Variants in ARMC9 observed in about 807,000 individuals in gnomAD.
The protein encoded by ARMC9 is lisH domain-containing protein ARMC9.
Under a neutral mutation model 107.0 loss-of-function variants are expected in ARMC9, and 94 were observed. That is an observed-to-expected ratio of 0.88 (90% CI 0.74 to 1.04). The LOEUF (loss-of-function observed/expected upper bound fraction) is 1.04, where lower values mean the gene tolerates loss of function less well. Among genes scored for constraint, ARMC9 ranks in the 50% least tolerant of loss-of-function variants. The pLI is 0.00. For synonymous variants in ARMC9, 380 were observed against 396.9 expected (o/e 0.96, Z 0.51); for missense variants, 942 against 1,030.1 (o/e 0.91, Z 1.17).
intron 1 of ARMC9, among the ~76,000 whole-genome samples, chr2:231,202,067 T>G (rs1317295930): frequency 6.6e-6 from 1 of 151,358 alleles, no homozygotes; most frequent in Admixed American, 6.6e-5. Context: ...TGGCACGATC[T>G]CGGCTCATTG....
intron 3 of ARMC9, among the ~76,000 whole-genome samples, chr2:231,212,137 G>A (rs897415701): frequency 3.3e-5 from 5 of 152,304 alleles, no homozygotes; most frequent in Admixed American, 6.5e-5. Flanking sequence ...GTAGTGTTAC[G>A]TATGTTTACA....
At chr2:231,371,073 C>CA in intron 24 of ARMC9, 1 of 460,642 alleles carries the variant, frequency 2.2e-6, no homozygotes, top group South Asian at 1.5e-5. Context: ...CCCAGCCAGT[C>CA]GCAGCCCAGG....
intron 17 of ARMC9, among the ~76,000 whole-genome samples, chr2:231,287,371 G>A (rs1368067004): frequency 6.6e-6 from 1 of 152,210 alleles, no homozygotes; most frequent in East Asian, 1.9e-4. Context: ...CACCCTAGCT[G>A]CAAGGGAGGC....
At chr2:231,335,779 A>G (rs555264966) in intron 20 of ARMC9, among the ~76,000 whole-genome samples, 15 of 152,172 alleles carry the variant, frequency 9.9e-5, no homozygotes, top group Non-Finnish European at 2.2e-4. Flanking sequence ...CGTGCTGAGT[A>G]ATCAACAATG....
intron 22 of ARMC9, among the ~76,000 whole-genome samples, chr2:231,356,423 A>G (rs1436446822): frequency 6.6e-6 from 1 of 152,240 alleles, no homozygotes; most frequent in Non-Finnish European, 1.5e-5. Context: ...TATTTTTTAG[A>G]TGCCAGAAAA....
chr2:231,343,290 G>A lies in ARMC9; in HGVS notation c.1879-1685G>A, dbSNP rs1263871869. Among the ~76,000 whole-genome samples the A allele has an allele frequency of 4.6e-5, 7 of 151,322 alleles. No homozygotes were observed. The East Asian group carries it at 5.8e-4, about 13-fold the overall frequency. On this transcript the variant is annotated intron_variant, in intron 20 of 24. Transcript: ENST00000611582. ...GGTCCAGTGAGGCTCACTGAATCCCGTAGGCACTGGCCCTTTTTTTCTTCC... is the reference window on the plus strand; with the variant it reads ...GGTCCAGTGAGGCTCACTGAATCCCATAGGCACTGGCCCTTTTTTTCTTCC...
At chr2:231,273,613 C>G (rs1025678678) in intron 14 of ARMC9, among the ~76,000 whole-genome samples, 2 of 152,142 alleles carry the variant, frequency 1.3e-5, no homozygotes, top group South Asian at 2.1e-4. Context: ...CAGGATTTTA[C>G]CATGTTGGCC....
intron 12 of ARMC9, among the ~76,000 whole-genome samples, chr2:231,267,088 A>G (rs1259853303): frequency 6.6e-6 from 1 of 152,222 alleles, no homozygotes; most frequent in Non-Finnish European, 1.5e-5. Context: ...GTTTGGGATG[A>G]CAGTTAGACA....
chr2:231,208,103 A>C, intron 2 of ARMC9, 24 bp from the exon 3 acceptor site: 1 of 1,035,240 alleles, frequency 9.7e-7, no homozygotes, highest in Non-Finnish European at 1.4e-6. Flanking sequence ...TTTGCTGTTG[A>C]ATTGAATTAT....
intron 6 of ARMC9, among the ~76,000 whole-genome samples, chr2:231,225,065 C>CA (rs1262353202): frequency 1.3e-5 from 2 of 152,054 alleles, no homozygotes; most frequent in East Asian, 1.9e-4. Flanking sequence ...GTTGTATTTG[C>CA]AAAAAATAAC....
chr2:231,277,783 G>C (rs542759559), intron 15 of ARMC9, among the ~76,000 whole-genome samples: 52 of 152,110 alleles, frequency 3.4e-4, no homozygotes, highest in South Asian at 1.9e-3. Context: ...GGCTGATCTT[G>C]AACTCCTAAC....
At chr2:231,213,812 ATGG>A (rs1474474506) in intron 3 of ARMC9, among the ~76,000 whole-genome samples, 1 of 152,198 alleles carries the variant, frequency 6.6e-6, no homozygotes. Context: ...ATGGCCAATA[ATGG>A]TGGTAAATAA....
At chr2:231,366,943 C>G (rs1284653470) in intron 23 of ARMC9, among the ~76,000 whole-genome samples, 1 of 150,330 alleles carries the variant, frequency 6.7e-6, no homozygotes, top group African/African-American at 2.4e-5. Flanking sequence ...CTCTGCCTCC[C>G]GGGTTCACGC....
intron 19 of ARMC9, among the ~76,000 whole-genome samples, chr2:231,302,980 G>C (rs1032321957): frequency 2.6e-5 from 4 of 152,164 alleles, no homozygotes; most frequent in Non-Finnish European, 5.9e-5. Context: ...CTCCAGCCTG[G>C]GTGACGGAGC....
intron 19 of ARMC9, among the ~76,000 whole-genome samples, chr2:231,320,459 TTA>T (rs2042934371): frequency 6.6e-6 from 1 of 152,138 alleles, no homozygotes; most frequent in Non-Finnish European, 1.5e-5. Flanking sequence ...CTGTCTACCT[TTA>T]TATTTTTATT....
At chr2:231,326,121 A>T (rs1459124939) in intron 19 of ARMC9, among the ~76,000 whole-genome samples, 1 of 152,116 alleles carries the variant, frequency 6.6e-6, no homozygotes, top group Admixed American at 6.5e-5. Context: ...TCCAGCCTGT[A>T]CCTCCTCAGA....
At chr2:231,234,472 A>G (rs970510835) in intron 7 of ARMC9, among the ~76,000 whole-genome samples, 1 of 152,312 alleles carries the variant, frequency 6.6e-6, no homozygotes, top group East Asian at 1.9e-4. Flanking sequence ...AAGCAGCCCA[A>G]AGTTTTATTT....
intron 5 of ARMC9, among the ~76,000 whole-genome samples, chr2:231,219,682 A>G (rs1351504976): frequency 6.6e-6 from 1 of 152,070 alleles, no homozygotes; most frequent in African/African-American, 2.4e-5. Flanking sequence ...ACTCTGAAAA[A>G]TTCTCAATTA....
At chr2:231,299,906 A>G (rs946463151) in intron 19 of ARMC9, among the ~76,000 whole-genome samples, 5 of 152,226 alleles carry the variant, frequency 3.3e-5, no homozygotes, top group Non-Finnish European at 7.3e-5. Flanking sequence ...GGGAATGGAC[A>G]ATGACAGCTG....
Sources: allele counts gnomAD v4.1 joint callset (sites outside exome capture counted in the v4.1 genomes callset), GRCh38; gene constraint gnomAD v4.1.1; transcripts MANE v1.5; gene names NCBI Gene and HGNC (gene_info 2026-07-23, HGNC 2026-07-21).